DPH6: variants seen among roughly 807,000 people sequenced by gnomAD.
DPH6 encodes the protein diphthamine biosynthesis 6.
A neutral mutation model predicts 38.2 loss-of-function variants in DPH6; 33 were observed. The observed-to-expected ratio is 0.86, with a 90% CI of 0.65 to 1.15. DPH6 has a LOEUF of 1.15. Among genes scored for constraint, DPH6 ranks in the 50% most tolerant of loss-of-function variants. The probability of loss-of-function intolerance (pLI) is 0.00; values close to 1 mark genes in which losing one functional copy is unlikely to be tolerated. For missense variants in DPH6, 325 were observed against 320.0 expected (o/e 1.02, Z -0.12); for synonymous variants, 108 against 103.0 (o/e 1.05, Z -0.30).
downstream of DPH6, among the ~76,000 whole-genome samples, chr15:35,368,833 C>T (rs1176209170): frequency 6.6e-6 from 1 of 151,574 alleles, no homozygotes; most frequent in Non-Finnish European, 1.5e-5. Flanking sequence ...CCATGTGCAG[C>T]AGCCAGTCAG....
chr15:35,506,796 T>A (rs1483437573), intron 3 of DPH6, among the ~76,000 whole-genome samples: 2 of 152,242 alleles, frequency 1.3e-5, no homozygotes, highest in African/African-American at 2.4e-5. Context: ...ATTGCATTTT[T>A]AACGAATTTT....
chr15:35,204,140 A>G, the DPH6 span, among the ~76,000 whole-genome samples: 11 of 151,732 alleles, frequency 7.2e-5, no homozygotes, highest in Middle Eastern at 3.2e-3. Flanking sequence ...ACCATAGTTG[A>G]CAGGCTGCTT....
At chr15:35,537,094 A>G (rs74412829) in intron 3 of DPH6, among the ~76,000 whole-genome samples, 2,012 of 152,300 alleles carry the variant, frequency 0.013, 44 homozygotes, top group African/African-American at 0.036. Flanking sequence ...ATTTTAGTCA[A>G]ACAAATTTTA....
At chr15:35,367,037 A>G (rs2052667292), downstream of DPH6, among the ~76,000 whole-genome samples, 1 of 151,946 alleles carries the variant, frequency 6.6e-6, no homozygotes. Context: ...AAATAAAGCA[A>G]AATAAAATGA....
chr15:35,511,334 A>G (rs534987533), intron 3 of DPH6, among the ~76,000 whole-genome samples: 25 of 152,286 alleles, frequency 1.6e-4, no homozygotes, highest in African/African-American at 6.0e-4. Flanking sequence ...AATTTAACTT[A>G]AGCGTTTAAA....
At chr15:35,530,520 G>C (rs2055070396) in intron 3 of DPH6, among the ~76,000 whole-genome samples, 1 of 152,216 alleles carries the variant, frequency 6.6e-6, no homozygotes, top group Non-Finnish European at 1.5e-5. Context: ...TAAATTTATA[G>C]AGAGGCACTG....
chr15:35,481,369 A>G (rs2054324607), intron 3 of DPH6, among the ~76,000 whole-genome samples: 1 of 152,160 alleles, frequency 6.6e-6, no homozygotes. Flanking sequence ...TAGAAGAAGG[A>G]AAGAGGAAGA....
intron 5 of DPH6, among the ~76,000 whole-genome samples, chr15:35,431,418 G>A (rs559939573): frequency 2.0e-5 from 3 of 152,034 alleles, no homozygotes; most frequent in African/African-American, 7.2e-5. Flanking sequence ...AGGTTGCAAG[G>A]TTAACGAGTG....
At chr15:35,368,347 A>T (rs2052679008), downstream of DPH6, among the ~76,000 whole-genome samples, 1 of 151,900 alleles carries the variant, frequency 6.6e-6, no homozygotes, top group Admixed American at 6.6e-5. Context: ...AGGCAGGGGA[A>T]TCCTAGGAGC....
At chr15:35,397,493 C>T (rs540400975) in intron 6 of DPH6, among the ~76,000 whole-genome samples, 62 of 152,108 alleles carry the variant, frequency 4.1e-4, no homozygotes, top group African/African-American at 1.4e-3. Context: ...TGGCATAAAC[C>T]CACAGAGATG....
At chr15:35,298,627 G>C in intron 3 of DPH6, 1 of 973,070 alleles carries the variant, frequency 1.0e-6, no homozygotes, top group Non-Finnish European at 1.7e-6. Context: ...CGATGATCTT[G>C]CCACCAAGCT....
At chr15:35,173,467 T>G in the DPH6 span, among the ~76,000 whole-genome samples, 1 of 152,108 alleles carries the variant, frequency 6.6e-6, no homozygotes, top group African/African-American at 2.4e-5. Flanking sequence ...CAAAGCCTCC[T>G]AACTGGTCTC....
At chr15:35,298,895 G>A in intron 3 of DPH6, 1 of 902,572 alleles carries the variant, frequency 1.1e-6, no homozygotes, top group Non-Finnish European at 1.9e-6. Context: ...CGGGGTAACT[G>A]TCTTTTACTG....
chr15:35,359,612 C>T (rs909297127), intron 3 of DPH6, among the ~76,000 whole-genome samples: 13 of 152,132 alleles, frequency 8.5e-5, no homozygotes, highest in African/African-American at 2.9e-4. Flanking sequence ...CAGCTAAAGT[C>T]GGAAACTTCT....
At chr15:35,378,829 T>TG (rs1476374720) in intron 7 of DPH6, among the ~76,000 whole-genome samples, 1 of 137,852 alleles carries the variant, frequency 7.3e-6, no homozygotes, top group Non-Finnish European at 1.6e-5. Context: ...CTGTCAGGGG[T>TG]GGGGGGCTGG....
intron 5 of DPH6, among the ~76,000 whole-genome samples, chr15:35,436,192 C>A (rs368982193): frequency 6.6e-6 from 1 of 152,006 alleles, no homozygotes. Context: ...TCCTGCTGGG[C>A]GCGGTGGCTC....
chr15:35,164,042 G>A, the DPH6 span, among the ~76,000 whole-genome samples: 4 of 151,718 alleles, frequency 2.6e-5, no homozygotes, highest in African/African-American at 9.7e-5. Context: ...ATCTATAAAA[G>A]GTGACTTTGA....
chr15:35,397,620 C>A (rs749237128), intron 6 of DPH6, among the ~76,000 whole-genome samples: 1 of 151,950 alleles, frequency 6.6e-6, no homozygotes, highest in Non-Finnish European at 1.5e-5. Flanking sequence ...ATAGAATAAC[C>A]AAAAGGGTAA....
intron 3 of DPH6, among the ~76,000 whole-genome samples, chr15:35,323,159 G>T (rs1285133908): frequency 6.6e-6 from 1 of 151,974 alleles, no homozygotes; most frequent in African/African-American, 2.4e-5. Context: ...TAATTAAATT[G>T]GATTTTTAAA....
Sources: gnomAD v4.1 joint callset for allele counts (sites outside exome capture counted in the v4.1 genomes callset) on GRCh38, gnomAD v4.1.1 for gene constraint, MANE v1.5 for transcripts, NCBI Gene and HGNC (gene_info 2026-07-23, HGNC 2026-07-21) for gene names.